Variants in KLF12 observed in about 807,000 individuals in gnomAD.
KLF12 encodes Krueppel-like factor 12.
KLF12 carries 9 observed loss-of-function variants against 37.8 expected under a neutral mutation model. The observed-to-expected ratio is 0.24, with a 90% CI of 0.14 to 0.42. The LOEUF (loss-of-function observed/expected upper bound fraction) is 0.42. Ranked by LOEUF, KLF12 falls within the 10% of genes least tolerant of loss-of-function variation. KLF12 has a pLI of 1.00. For missense variants in KLF12, 411 were observed against 516.0 expected, an observed-to-expected ratio of 0.80 and a Z score of 1.97; for synonymous variants, 208 against 202.1, an observed-to-expected ratio of 1.03 and a Z score of -0.25.
At chr13:74,215,042 C>T in the KLF12 span, among the ~76,000 whole-genome samples, 1 of 152,140 alleles carries the variant, frequency 6.6e-6, no homozygotes, top group Admixed American at 6.5e-5. Flanking sequence ...GATCCACCTG[C>T]CTCATCCTCC....
chr13:74,100,531 T>G (rs1876272268), intron 1 of KLF12, among the ~76,000 whole-genome samples: 1 of 152,024 alleles, frequency 6.6e-6, no homozygotes, highest in Admixed American at 6.6e-5. Context: ...GACAAGAGAA[T>G]CAGTTGAACC....
intron 6 of KLF12, among the ~76,000 whole-genome samples, chr13:73,749,519 G>C (rs1023958439): frequency 6.6e-6 from 1 of 152,132 alleles, no homozygotes; most frequent in Non-Finnish European, 1.5e-5. Flanking sequence ...GCCCATCCAG[G>C]GGGTGATGCT....
At chr13:73,710,378 CTGTG>C (rs59799453) in intron 7 of KLF12, among the ~76,000 whole-genome samples, 8,927 of 143,738 alleles carry the variant, frequency 0.062, 394 homozygotes, top group African/African-American at 0.12. Context: ...AAGATATTGT[CTGTG>C]TGTGTGTGTG....
intron 2 of KLF12, among the ~76,000 whole-genome samples, chr13:73,973,112 T>C (rs2138119058): frequency 6.6e-6 from 1 of 152,328 alleles, no homozygotes; most frequent in South Asian, 2.1e-4. Context: ...GCTTTCTGAA[T>C]ATGTTTTGCC....
intron 1 of KLF12, among the ~76,000 whole-genome samples, chr13:74,082,623 T>C (rs1874982480): frequency 6.6e-6 from 1 of 152,130 alleles, no homozygotes; most frequent in Non-Finnish European, 1.5e-5. Context: ...ATACAAGTTG[T>C]TTTTAGTGAA....
the KLF12 span, among the ~76,000 whole-genome samples, chr13:74,283,260 G>A: frequency 5.3e-5 from 8 of 152,080 alleles, no homozygotes; most frequent in Non-Finnish European, 4.4e-5. Flanking sequence ...TATTTTCAAC[G>A]TTTACTTCAT....
At chr13:74,273,610 C>T in the KLF12 span, among the ~76,000 whole-genome samples, 1 of 151,868 alleles carries the variant, frequency 6.6e-6, no homozygotes, top group South Asian at 2.1e-4. Context: ...GTAAAAATAC[C>T]ATAATAAAAT....
At chr13:73,915,135 G>A (rs996062284) in intron 3 of KLF12, among the ~76,000 whole-genome samples, 1 of 152,172 alleles carries the variant, frequency 6.6e-6, no homozygotes, top group South Asian at 2.1e-4. Context: ...TCCTGTCTGC[G>A]TCACTCCAAT....
intron 6 of KLF12, among the ~76,000 whole-genome samples, chr13:73,719,370 T>A (rs1405878894): frequency 1.3e-5 from 2 of 150,962 alleles, no homozygotes; most frequent in Non-Finnish European, 2.9e-5. Context: ...GACAGTCGAG[T>A]TACTGGTACC....
intron 4 of KLF12, among the ~76,000 whole-genome samples, chr13:73,826,003 C>T (rs545446516): frequency 2.6e-5 from 4 of 151,692 alleles, no homozygotes; most frequent in South Asian, 2.1e-4. Flanking sequence ...GATGGAGTCT[C>T]GCTCTGTTGC....
chr13:74,027,150 A>T (rs1333461675), intron 1 of KLF12, among the ~76,000 whole-genome samples: 4 of 152,200 alleles, frequency 2.6e-5, no homozygotes, highest in East Asian at 1.9e-4. Flanking sequence ...CTAAAATACG[A>T]ATCAACTGCT....
the KLF12 span, among the ~76,000 whole-genome samples, chr13:74,262,492 G>T: frequency 4.6e-5 from 7 of 152,196 alleles, no homozygotes; most frequent in African/African-American, 7.2e-5. Flanking sequence ...GATATAAAAT[G>T]GAGTGGTACT....
At chr13:74,238,691 T>G in the KLF12 span, among the ~76,000 whole-genome samples, 5 of 150,264 alleles carry the variant, frequency 3.3e-5, no homozygotes, top group Middle Eastern at 3.2e-3. Flanking sequence ...GTCCAGGAAT[T>G]TATCCATTTC....
At chr13:74,210,485 G>C in the KLF12 span, among the ~76,000 whole-genome samples, 4 of 152,208 alleles carry the variant, frequency 2.6e-5, no homozygotes, top group South Asian at 6.2e-4. Context: ...TAATCTTTTA[G>C]TTAGCTATGC....
chr13:73,974,568 C>T (rs1337230889), intron 2 of KLF12, among the ~76,000 whole-genome samples: 1 of 152,096 alleles, frequency 6.6e-6, no homozygotes, highest in Non-Finnish European at 1.5e-5. Flanking sequence ...AAAATAAACT[C>T]TTTAATAATA....
At chr13:73,925,001 G>T (rs1444405081) in intron 3 of KLF12, among the ~76,000 whole-genome samples, 3 of 152,156 alleles carry the variant, frequency 2.0e-5, no homozygotes, top group African/African-American at 7.2e-5. Flanking sequence ...TAAGGCTACT[G>T]AAGAAAAGTC....
At chr13:73,952,228 T>A (rs1231860101) in intron 2 of KLF12, among the ~76,000 whole-genome samples, 1 of 152,140 alleles carries the variant, frequency 6.6e-6, no homozygotes, top group African/African-American at 2.4e-5. Flanking sequence ...GGATACCAGG[T>A]AATTTATAAA....
chr13:74,288,079 G>A, the KLF12 span, among the ~76,000 whole-genome samples: 2 of 150,458 alleles, frequency 1.3e-5, no homozygotes. Flanking sequence ...AGGGGGGAAG[G>A]AAAAAAAAAC....
intron 5 of KLF12, among the ~76,000 whole-genome samples, chr13:73,788,867 G>C (rs1391760698): frequency 1.3e-5 from 2 of 152,298 alleles, no homozygotes; most frequent in South Asian, 4.2e-4. Flanking sequence ...CTAGTGAAAA[G>C]TGAGGAGTTT....
Sources: allele counts gnomAD v4.1 joint callset (sites outside exome capture counted in the v4.1 genomes callset), GRCh38; gene constraint gnomAD v4.1.1; transcripts MANE v1.5; gene names NCBI Gene and HGNC (gene_info 2026-07-23, HGNC 2026-07-21).